Variants in CAMTA1 observed in about 807,000 individuals in gnomAD.
The protein encoded by CAMTA1 is calmodulin-binding transcription activator 1.
A neutral mutation model predicts 170.9 loss-of-function variants in CAMTA1; 27 were observed. The observed-to-expected ratio is 0.16, with a 90% CI of 0.12 to 0.22. CAMTA1 has a LOEUF of 0.22. Among genes scored for constraint, CAMTA1 ranks in the 10% least tolerant of loss-of-function variants. The pLI is 1.00. For synonymous variants in CAMTA1, 833 were observed against 891.5 expected, an observed-to-expected ratio of 0.93 and a Z score of 1.17; for missense variants, 1,619 against 2,217.2, an observed-to-expected ratio of 0.73 and a Z score of 5.42.
intron 5 of CAMTA1, among the ~76,000 whole-genome samples, chr1:7,323,814 ATAAG>A (rs1445492365): frequency 6.6e-6 from 1 of 152,148 alleles, no homozygotes; most frequent in East Asian, 1.9e-4. Context: ...TAGATCTTGA[ATAAG>A]TAACTGTTGA....
At chr1:7,101,956 TAATG>T (rs1322821465) in intron 4 of CAMTA1, among the ~76,000 whole-genome samples, 2 of 151,414 alleles carry the variant, frequency 1.3e-5, no homozygotes, top group East Asian at 1.9e-4. Context: ...ATTCAACACA[TAATG>T]CATGCATGCA....
At chr1:7,197,480 C>T (rs144451253) in intron 4 of CAMTA1, among the ~76,000 whole-genome samples, 14 of 152,018 alleles carry the variant, frequency 9.2e-5, no homozygotes, top group African/African-American at 2.4e-4. Context: ...GTGACCAGGA[C>T]GTAGCATCAT....
At chr1:7,505,457 A>G (rs1257711201) in intron 6 of CAMTA1, among the ~76,000 whole-genome samples, 1 of 152,042 alleles carries the variant, frequency 6.6e-6, no homozygotes, top group Non-Finnish European at 1.5e-5. Context: ...GCTCCAGCCC[A>G]CCCTCTCCAC....
At chr1:6,886,490 G>C (rs536678979) in intron 3 of CAMTA1, 3 of 359,468 alleles carry the variant, frequency 8.3e-6, no homozygotes, top group Non-Finnish European at 1.1e-5. Flanking sequence ...AGCTCTTCTC[G>C]CAGCATGCTC....
chr1:6,809,328 G>T (rs1355061886), intron 1 of CAMTA1, among the ~76,000 whole-genome samples: 1 of 152,042 alleles, frequency 6.6e-6, no homozygotes. Context: ...CGCCTGGCCG[G>T]TATCGCTGTT....
intron 3 of CAMTA1, among the ~76,000 whole-genome samples, chr1:6,962,464 T>G (rs1482202372): frequency 4.7e-5 from 7 of 147,384 alleles, no homozygotes; most frequent in Admixed American, 1.3e-4. Flanking sequence ...TCCGTTTTGG[T>G]TCCTCTCTCC....
At chr1:7,108,045 T>C (rs6689952) in intron 4 of CAMTA1, among the ~76,000 whole-genome samples, 22,793 of 152,002 alleles carry the variant, frequency 0.15, 1,875 homozygotes, top group East Asian at 0.29. Flanking sequence ...GTGGTCACCA[T>C]GGGAGGGGCC....
intron 11 of CAMTA1, among the ~76,000 whole-genome samples, chr1:7,712,711 C>T (rs923522412): frequency 6.6e-6 from 1 of 152,152 alleles, no homozygotes; most frequent in African/African-American, 2.4e-5. Context: ...GGGAAATAGT[C>T]CATTTTCATG....
chr1:7,137,420 T>G (rs1645606924), intron 4 of CAMTA1, among the ~76,000 whole-genome samples: 1 of 152,226 alleles, frequency 6.6e-6, no homozygotes, highest in South Asian at 2.1e-4. Flanking sequence ...TTTTGTGACC[T>G]CAGCCCAACA....
intron 12 of CAMTA1, among the ~76,000 whole-genome samples, chr1:7,735,098 T>C (rs189805578): frequency 1.3e-5 from 2 of 152,348 alleles, no homozygotes; most frequent in Admixed American, 1.3e-4. Flanking sequence ...TAAATGCTTT[T>C]CTCAGTATTC....
chr1:7,498,310 ATG>A (rs368143345), intron 6 of CAMTA1, among the ~76,000 whole-genome samples: 40 of 148,760 alleles, frequency 2.7e-4, no homozygotes, highest in Non-Finnish European at 3.9e-4. Flanking sequence ...GTGAGTGTGG[ATG>A]TGTGTGTAAG....
chr1:7,412,137 T>C (rs11120911), intron 5 of CAMTA1, among the ~76,000 whole-genome samples: 43,742 of 152,006 alleles, frequency 0.29, 7,040 homozygotes, highest in Non-Finnish European at 0.35. Flanking sequence ...ATGTGCCACA[T>C]TTTCTTACTC....
intron 3 of CAMTA1, among the ~76,000 whole-genome samples, chr1:7,087,216 C>T (rs546416640): frequency 1.3e-5 from 2 of 152,220 alleles, no homozygotes; most frequent in Non-Finnish European, 2.9e-5. Flanking sequence ...TTTCTTTTCA[C>T]AACTCCTTCC....
chr1:7,436,322 G>T (rs2149384017), intron 5 of CAMTA1, among the ~76,000 whole-genome samples: 1 of 152,284 alleles, frequency 6.6e-6, no homozygotes, highest in South Asian at 2.1e-4. Context: ...TTCCAGCATG[G>T]GATTGTTCAG....
intron 5 of CAMTA1, among the ~76,000 whole-genome samples, chr1:7,340,771 T>TCC (rs1162469254): frequency 4.1e-5 from 6 of 146,130 alleles, no homozygotes; most frequent in Admixed American, 2.1e-4. Flanking sequence ...CATCCATCCA[T>TCC]ACACTGTCTC....
intron 6 of CAMTA1, among the ~76,000 whole-genome samples, chr1:7,528,837 GAAGT>G (rs1281202833): frequency 1.5e-3 from 169 of 110,414 alleles, no homozygotes; most frequent in Non-Finnish European, 1.9e-3. Context: ...ATGAATGAAT[GAAGT>G]GAGTGAATGA....
chr1:7,614,900 G>C (rs72867154), intron 6 of CAMTA1, among the ~76,000 whole-genome samples: 1 of 152,128 alleles, frequency 6.6e-6, no homozygotes, highest in Non-Finnish European at 1.5e-5. Flanking sequence ...AGATACTGCT[G>C]GGGGGAGGGT....
intron 6 of CAMTA1, among the ~76,000 whole-genome samples, chr1:7,618,193 T>A (rs6683993): frequency 6.6e-6 from 1 of 152,218 alleles, no homozygotes; most frequent in East Asian, 1.9e-4. Context: ...CTGAGGACAC[T>A]GACTCTCTCT....
intron 11 of CAMTA1, among the ~76,000 whole-genome samples, chr1:7,723,556 G>A (rs184548949): frequency 1.9e-4 from 29 of 152,318 alleles, no homozygotes; most frequent in East Asian, 1.9e-4. Flanking sequence ...ACTGGACTTA[G>A]TGACTTAGTT....
Sources: allele counts gnomAD v4.1 joint callset (sites outside exome capture counted in the v4.1 genomes callset), GRCh38; gene constraint gnomAD v4.1.1; transcripts MANE v1.5; gene names NCBI Gene and HGNC (gene_info 2026-07-23, HGNC 2026-07-21).